ARHGAP26: variants seen among roughly 807,000 people sequenced by gnomAD.
The protein encoded by ARHGAP26 is Rho GTPase activating protein 26.
Under a neutral mutation model 104.8 loss-of-function variants are expected in ARHGAP26, and 38 were observed. The ratio of observed to expected loss-of-function variants is 0.36; its 90% CI spans 0.28 to 0.48. The LOEUF (loss-of-function observed/expected upper bound fraction) is 0.48. Among genes scored for constraint, ARHGAP26 ranks in the 20% least tolerant of loss-of-function variants. The probability of loss-of-function intolerance (pLI) is 0.99; values close to 1 mark genes in which losing one functional copy is unlikely to be tolerated. For synonymous variants in ARHGAP26, 341 were observed against 340.0 expected (o/e 1.00, Z -0.03); for missense variants, 704 against 947.9 (o/e 0.74, Z 3.38).
intron 11 of ARHGAP26, chr5:143,010,785 G>A (rs1477885950): frequency 6.6e-6 from 1 of 152,178 alleles, no homozygotes; most frequent in Non-Finnish European, 1.5e-5. Context: ...ATCTCCTAAT[G>A]AAGGAGGGCT....
intron 1 of ARHGAP26, among the ~76,000 whole-genome samples, chr5:142,865,478 GTTTTT>G (rs35950662): frequency 8.5e-6 from 1 of 117,230 alleles, no homozygotes. Flanking sequence ...ACACGGAGAA[GTTTTT>G]TTTTTTTTTT....
rs75344003 is a variant in ARHGAP26, at chr5:143,185,939, C to T, written c.1989-21259C>T. 3.1e-3 allele frequency among the ~76,000 whole-genome samples: 478 copies of T among 152,252 alleles called. 3 individuals are homozygous for T. Among genetic ancestry groups the T allele is most frequent in the African/African-American group, 0.011 (465 of 41,538 alleles). ...ACTGAATGTCCTCTAGGCCTGTCTTCCTAAAGGAGCCATCCTATTTAAAGA... is the reference window on the plus strand; with the variant it reads ...ACTGAATGTCCTCTAGGCCTGTCTTTCTAAAGGAGCCATCCTATTTAAAGA... On this transcript the variant is annotated intron_variant, in intron 20 of 22. Coordinates refer to ENST00000645722, the MANE Select transcript of ARHGAP26 (RefSeq NM_001135608.3).
chr5:143,101,665 C>G (rs1407975029), intron 17 of ARHGAP26, among the ~76,000 whole-genome samples: 1 of 150,578 alleles, frequency 6.6e-6, no homozygotes, highest in African/African-American at 2.4e-5. Flanking sequence ...TTCCCTGAAA[C>G]AGACACACAC....
At chr5:142,936,088 CTA>C (rs1334543529) in intron 11 of ARHGAP26, among the ~76,000 whole-genome samples, 1 of 146,628 alleles carries the variant, frequency 6.8e-6, no homozygotes. Context: ...ACACAATTGT[CTA>C]TGTAGAAAAT....
intron 12 of ARHGAP26, among the ~76,000 whole-genome samples, chr5:143,021,868 C>A (rs1293805165): frequency 6.6e-6 from 1 of 152,196 alleles, no homozygotes; most frequent in Non-Finnish European, 1.5e-5. Flanking sequence ...GGAAGACAAC[C>A]TGCTACTGTT....
intron 11 of ARHGAP26, among the ~76,000 whole-genome samples, chr5:142,948,276 G>A (rs1312777859): frequency 6.6e-6 from 1 of 152,078 alleles, no homozygotes; most frequent in Non-Finnish European, 1.5e-5. Flanking sequence ...TGGTTGGGAA[G>A]TTTGTAACAC....
At chr5:142,878,326 C>T (rs141835204) in intron 3 of ARHGAP26, among the ~76,000 whole-genome samples, 39 of 152,358 alleles carry the variant, frequency 2.6e-4, no homozygotes, top group Admixed American at 1.6e-3. Context: ...TCAGCCCACT[C>T]GTTTTGCAGA....
In ARHGAP26 at chr5:142,902,087, A is replaced by G. The variant is rs770537891; in HGVS notation, c.702+48A>G. 5.9e-6 allele frequency: 9 copies of G among 1,525,166 alleles called. No homozygotes were observed. The Admixed American group carries it at 1.6e-4, about 26-fold the overall frequency. 94.5% of individuals were successfully genotyped at this position (1,525,166 alleles called of 1,614,324 possible). ...TTCTTTTATCTGGTTAAGGAAAAACAAAATATGGGCCTGATTGCCCTAGAA... is the reference window on the plus strand; with the variant it reads ...TTCTTTTATCTGGTTAAGGAAAAACGAAATATGGGCCTGATTGCCCTAGAA... On this transcript the variant is annotated intron_variant, in intron 7 of 22. Coordinates refer to ENST00000645722, the MANE Select transcript of ARHGAP26 (RefSeq NM_001135608.3).
chr5:142,934,859 A>T (rs758317056), intron 11 of ARHGAP26, among the ~76,000 whole-genome samples: 1 of 152,138 alleles, frequency 6.6e-6, no homozygotes, highest in Non-Finnish European at 1.5e-5. Context: ...TTGAAAAACA[A>T]AGAAAAACTA....
At chr5:142,890,144 AAAAAAAAATATATATAT>A (rs1251314231) in intron 5 of ARHGAP26, among the ~76,000 whole-genome samples, 2 of 89,214 alleles carry the variant, frequency 2.2e-5, no homozygotes, top group African/African-American at 9.6e-5. Context: ...CTTAAAAAAA[AAAAAAAAATATATATAT>A]ATATATATAT....
At chr5:142,881,286 C>G (rs1252069479) in intron 4 of ARHGAP26, among the ~76,000 whole-genome samples, 1 of 152,216 alleles carries the variant, frequency 6.6e-6, no homozygotes, top group Non-Finnish European at 1.5e-5. Context: ...ACAGATGCCT[C>G]TCTCTCTGGC....
intron 17 of ARHGAP26, among the ~76,000 whole-genome samples, chr5:143,062,928 T>A (rs1396769759): frequency 6.6e-6 from 1 of 152,214 alleles, no homozygotes; most frequent in African/African-American, 2.4e-5. Context: ...AGCCGTAGAA[T>A]TTTACAAAAC....
intron 20 of ARHGAP26, among the ~76,000 whole-genome samples, chr5:143,167,661 A>G (rs1444328219): frequency 6.6e-6 from 1 of 152,164 alleles, no homozygotes. Flanking sequence ...CAAGCGCATG[A>G]CTAAGCCAGG....
intron 17 of ARHGAP26, among the ~76,000 whole-genome samples, chr5:143,112,772 A>G (rs1355761915): frequency 6.6e-6 from 1 of 152,226 alleles, no homozygotes; most frequent in Non-Finnish European, 1.5e-5. Context: ...CATCCATGTC[A>G]TAGTATATGC....
chr5:143,030,001 G>A (rs1399795382), intron 12 of ARHGAP26, among the ~76,000 whole-genome samples: 2 of 152,116 alleles, frequency 1.3e-5, no homozygotes, highest in South Asian at 2.1e-4. Context: ...TCGTTTGGGG[G>A]CATGTCCTAG....
chr5:142,862,308 C>G (rs2152311989), intron 1 of ARHGAP26, among the ~76,000 whole-genome samples: 1 of 152,308 alleles, frequency 6.6e-6, no homozygotes, highest in East Asian at 1.9e-4. Flanking sequence ...GTTGAGTTTT[C>G]CATTCACAGT....
At chr5:143,137,332 C>T (rs246600) in intron 19 of ARHGAP26, among the ~76,000 whole-genome samples, 62,730 of 152,042 alleles carry the variant, frequency 0.41, 13,644 homozygotes, top group Middle Eastern at 0.48. Context: ...AAGTTCCTTT[C>T]CTCCACTCAA....
chr5:143,155,137 A>C (rs1233715369), intron 20 of ARHGAP26, among the ~76,000 whole-genome samples: 2 of 152,190 alleles, frequency 1.3e-5, no homozygotes, highest in African/African-American at 2.4e-5. Context: ...CTTTGGAAAT[A>C]ACCTGAACGC....
intron 5 of ARHGAP26, among the ~76,000 whole-genome samples, chr5:142,887,438 TGAA>T (rs1282163357): frequency 6.6e-6 from 1 of 152,250 alleles, no homozygotes; most frequent in Non-Finnish European, 1.5e-5. Flanking sequence ...TGCTCAAGTA[TGAA>T]GTATATTTAA....
Sources: gnomAD v4.1 joint callset for allele counts (sites outside exome capture counted in the v4.1 genomes callset) on GRCh38, gnomAD v4.1.1 for gene constraint, MANE v1.5 for transcripts, NCBI Gene and HGNC (gene_info 2026-07-23, HGNC 2026-07-21) for gene names.